Variants in LZTFL1 observed in about 807,000 individuals in gnomAD.
The protein encoded by LZTFL1 is leucine zipper transcription factor-like protein 1.
LZTFL1 carries 25 observed loss-of-function variants against 45.9 expected under a neutral mutation model. That is an observed-to-expected ratio of 0.54 (90% CI 0.40 to 0.76). The LOEUF (loss-of-function observed/expected upper bound fraction) is 0.76. Ranked by LOEUF, LZTFL1 falls within the 30% of genes least tolerant of loss-of-function variation. The pLI is 0.00. For missense variants in LZTFL1, 277 were observed against 331.1 expected, an observed-to-expected ratio of 0.84 and a Z score of 1.27; for synonymous variants, 93 against 117.4, an observed-to-expected ratio of 0.79 and a Z score of 1.35.
chr3:45,855,007 G>T, exon 4 of LZTFL1: 1 of 1,534,730 alleles, frequency 6.5e-7, no homozygotes, highest in Non-Finnish European at 8.7e-7. Context: ...CTGGAACTTA[G>T]CCCAGCTTCT....
chr3:45,911,339 C>T (rs1374322674), intron 2 of LZTFL1, among the ~76,000 whole-genome samples: 2 of 152,180 alleles, frequency 1.3e-5, no homozygotes, highest in African/African-American at 4.8e-5. Context: ...TGACTAATGC[C>T]CAGAAGTAAT....
chr3:45,912,339 C>A (rs1702810559), intron 2 of LZTFL1, among the ~76,000 whole-genome samples: 1 of 152,210 alleles, frequency 6.6e-6, no homozygotes, highest in African/African-American at 2.4e-5. Context: ...GGTCCCAATT[C>A]TCTACCCCTC....
At chr3:45,831,360 T>G (rs984866630) in intron 5 of LZTFL1, among the ~76,000 whole-genome samples, 1 of 152,196 alleles carries the variant, frequency 6.6e-6, no homozygotes, top group African/African-American at 2.4e-5. Context: ...TTTCTTTCAG[T>G]TTCTCAGACA....
In LZTFL1 at chr3:45,896,767, C is replaced by A. The variant is rs530788825; in HGVS notation, c.-215+16353G>T. 3.4e-4 allele frequency among the ~76,000 whole-genome samples: 51 copies of A among 152,204 alleles called. 1 individual carries two copies. The highest frequency in any genetic ancestry group is 3.1e-4 in the Non-Finnish European group (21 of 68,044). On this transcript the variant is annotated intron_variant, in intron 2 of 4. Coordinates refer to the LZTFL1 transcript ENST00000472635. ...TGATAACAAATTCATTTTTTCCCCA[C>A]CTCCCTCCTTCTTGTGCCCTCTCTT...
chr3:45,855,022 A>C, exon 4 of LZTFL1: 2 of 1,535,534 alleles, frequency 1.3e-6, no homozygotes, highest in Non-Finnish European at 1.7e-6. Flanking sequence ...GCTTCTTGGA[A>C]AAGTCACCAA....
At chr3:45,828,328 AT>A (rs1178054241) in intron 8 of LZTFL1, 110 bp downstream of exon 8, 1 of 923,156 alleles carries the variant, frequency 1.1e-6, no homozygotes, top group East Asian at 2.4e-5. Flanking sequence ...TTGAGAAAAA[AT>A]AATCTGAATT....
chr3:45,859,415 C>T (rs1701444665), intron 2 of LZTFL1, among the ~76,000 whole-genome samples: 1 of 152,042 alleles, frequency 6.6e-6, no homozygotes. Context: ...GTTGTAGAGA[C>T]AGCGTCTCGC....
intron 3 of LZTFL1, 76 bp downstream of exon 3, chr3:45,835,514 A>G: frequency 7.1e-6 from 10 of 1,406,104 alleles, no homozygotes; most frequent in Non-Finnish European, 1.0e-5. Flanking sequence ...GAAAATATGC[A>G]GCCAAAGATG....
Position 45,831,743 on chromosome 3 carries a change from C to A in LZTFL1, c.457-605G>T, listed in dbSNP as rs181879349. 2.7e-3 allele frequency among the ~76,000 whole-genome samples: 414 copies of A among 152,308 alleles called. 1 individual carries two copies. The highest frequency in any genetic ancestry group is 4.6e-3 in the South Asian group (22 of 4,832). ...GTTCTCCTGCCCAACACACTCACTT[C>A]TCTTTCCTCTACAATTTAACTGGTC... On this transcript the variant is annotated intron_variant, in intron 5 of 9. Transcript: ENST00000296135.
intron 2 of LZTFL1, among the ~76,000 whole-genome samples, chr3:45,869,938 C>G (rs1701643741): frequency 6.6e-6 from 1 of 152,228 alleles, no homozygotes; most frequent in African/African-American, 2.4e-5. Context: ...CCAGTTATGT[C>G]AACAAAAGTA....
intron 2 of LZTFL1, among the ~76,000 whole-genome samples, chr3:45,896,277 G>A (rs1331772995): frequency 6.6e-6 from 1 of 152,156 alleles, no homozygotes; most frequent in African/African-American, 2.4e-5. Flanking sequence ...TTGGGATCTT[G>A]GATAATAGCC....
intron 2 of LZTFL1, among the ~76,000 whole-genome samples, chr3:45,864,583 T>C (rs561614897): frequency 1.1e-4 from 17 of 152,336 alleles, no homozygotes; most frequent in Admixed American, 6.5e-4. Flanking sequence ...TGCAACTTTA[T>C]TACAATATAG....
At chr3:45,893,005 T>C (rs1361785463) in intron 2 of LZTFL1, among the ~76,000 whole-genome samples, 3 of 152,178 alleles carry the variant, frequency 2.0e-5, no homozygotes, top group Non-Finnish European at 2.9e-5. Flanking sequence ...ACTGCAAATA[T>C]TAAAATGCAG....
intron 2 of LZTFL1, among the ~76,000 whole-genome samples, chr3:45,866,126 G>A (rs970291298): frequency 6.6e-6 from 1 of 152,146 alleles, no homozygotes; most frequent in Non-Finnish European, 1.5e-5. Context: ...TGAATGTGGC[G>A]AGGGGTGGTG....
rs747774371 is a variant in LZTFL1 at position 45,834,218 on chromosome 3, T to C, written c.384+20A>G. ...AATACTGGCTATTAAGATATGGATT[T>C]AGAATGACCAAAAAGTTACCTTTTT... On this transcript the variant is annotated intron_variant, in intron 4 of 9. Transcript: ENST00000296135. 50 of 1,516,970 alleles carry C rather than the reference T, an allele frequency of 3.3e-5. No homozygotes were observed. In the South Asian group the frequency reaches 4.9e-4, roughly 15 times the overall value. The allele number at this position is 1,516,970 out of a possible 1,614,324, so 94.0% of individuals were successfully genotyped here.
chr3:45,903,310 G>A (rs184344538), intron 2 of LZTFL1: 3 of 156,102 alleles, frequency 1.9e-5, no homozygotes, highest in African/African-American at 7.2e-5. Flanking sequence ...AAAAAAGTGT[G>A]AAGAGTAAGC....
At chr3:45,864,415 C>T (rs1446553461) in intron 2 of LZTFL1, among the ~76,000 whole-genome samples, 1 of 152,134 alleles carries the variant, frequency 6.6e-6, no homozygotes, top group Non-Finnish European at 1.5e-5. Flanking sequence ...TCAAAATCTT[C>T]ATCGACTAGT....
chr3:45,881,446 G>A (rs1435924109), intron 2 of LZTFL1, among the ~76,000 whole-genome samples: 1 of 152,126 alleles, frequency 6.6e-6, no homozygotes, highest in Non-Finnish European at 1.5e-5. Context: ...ACTTGGCCAT[G>A]TCTGTCCTGT....
At chr3:45,890,312 T>TATAAATATATATATAAC (rs10677703) in intron 2 of LZTFL1, among the ~76,000 whole-genome samples, 5 of 61,992 alleles carry the variant, frequency 8.1e-5, no homozygotes, top group South Asian at 3.7e-4. Flanking sequence ...AACATATATA[T>TATAAATATATATATAAC]ATATTTATAT....
Sources: gnomAD v4.1 joint callset for allele counts (sites outside exome capture counted in the v4.1 genomes callset) on GRCh38, gnomAD v4.1.1 for gene constraint, MANE v1.5 for transcripts, NCBI Gene and HGNC (gene_info 2026-07-23, HGNC 2026-07-21) for gene names.